The following TTC29 variants were observed in gnomAD, a reference collection of about 807,000 sequenced individuals.
TTC29 encodes the protein tetratricopeptide repeat protein 29.
Under a neutral mutation model 58.1 loss-of-function variants are expected in TTC29, and 49 were observed. The observed-to-expected ratio is 0.84, with a 90% CI of 0.67 to 1.07. TTC29 has a LOEUF of 1.07. Among genes scored for constraint, TTC29 ranks in the 50% least tolerant of loss-of-function variants. The pLI, the probability that TTC29 is intolerant of heterozygous loss-of-function variation, is 0.00. For missense variants in TTC29, 582 were observed against 555.6 expected (o/e 1.05, Z -0.48); for synonymous variants, 209 against 196.8 (o/e 1.06, Z -0.52).
intron 6 of TTC29, among the ~76,000 whole-genome samples, chr4:146,901,689 C>T (rs989305998): frequency 6.6e-6 from 1 of 152,218 alleles, no homozygotes; most frequent in African/African-American, 2.4e-5. Context: ...CGGATTTTCA[C>T]AAGGGCTTCT....
rs1742157894 is a variant in TTC29 at position 146,708,324 on chromosome 4, A to ATACATACATG, written c.1331-774_1331-773insCATGTATGTA. ...ATGGGAAGTTTATATATATATATAT[A>ATACATACATG]TATATATATATATATATATATATAT... On this transcript the variant is annotated intron_variant, in intron 11 of 12. Coordinates refer to ENST00000325106, the MANE Select transcript of TTC29 (RefSeq NM_031956.4). Among the ~76,000 whole-genome samples the ATACATACATG allele has an allele frequency of 1.4e-4, 5 of 35,660 alleles. 1 individual carries two copies. The highest frequency in any genetic ancestry group is 2.9e-4 in the African/African-American group (5 of 17,152). 23.4% of individuals were successfully genotyped at this position (35,660 alleles called of 152,430 possible).
At chr4:146,781,470 A>G (rs1317493284) in intron 11 of TTC29, among the ~76,000 whole-genome samples, 1 of 151,976 alleles carries the variant, frequency 6.6e-6, no homozygotes, top group Non-Finnish European at 1.5e-5. Flanking sequence ...CTCCAAACAA[A>G]TAATGGGCAA....
At chr4:146,872,951 G>T (rs1439564311) in intron 7 of TTC29, among the ~76,000 whole-genome samples, 1 of 152,018 alleles carries the variant, frequency 6.6e-6, no homozygotes, top group African/African-American at 2.4e-5. Context: ...GGCAAAAGGT[G>T]GAAACAACTC....
At chr4:146,841,211 G>A (rs375841575) in intron 8 of TTC29, among the ~76,000 whole-genome samples, 13 of 152,134 alleles carry the variant, frequency 8.5e-5, no homozygotes, top group South Asian at 4.1e-4. Flanking sequence ...GAAATTTGCC[G>A]CATTCAAGAT....
At chr4:146,865,614 A>T (rs1256094282) in intron 8 of TTC29, among the ~76,000 whole-genome samples, 1 of 152,184 alleles carries the variant, frequency 6.6e-6, no homozygotes, top group African/African-American at 2.4e-5. Context: ...ATCACAAAAC[A>T]TACTCAGATA....
chr4:146,827,744 GTTA>G (rs748127861), intron 9 of TTC29, among the ~76,000 whole-genome samples: 1 of 152,146 alleles, frequency 6.6e-6, no homozygotes, highest in Non-Finnish European at 1.5e-5. Flanking sequence ...TGGCACTAGT[GTTA>G]TTATTATCTC....
At chr4:146,711,445 G>A (rs1742485661) in intron 11 of TTC29, among the ~76,000 whole-genome samples, 1 of 152,114 alleles carries the variant, frequency 6.6e-6, no homozygotes, top group African/African-American at 2.4e-5. Context: ...GGACCCTGCA[G>A]GCTATTATTC....
intron 11 of TTC29, among the ~76,000 whole-genome samples, chr4:146,737,786 T>C (rs1744834201): frequency 6.6e-6 from 1 of 152,180 alleles, no homozygotes; most frequent in South Asian, 2.1e-4. Flanking sequence ...TGTACAACAA[T>C]GGGCAGAGAT....
intron 11 of TTC29, among the ~76,000 whole-genome samples, chr4:146,727,762 T>C (rs1743902790): frequency 6.6e-6 from 1 of 152,202 alleles, no homozygotes; most frequent in Admixed American, 6.6e-5. Flanking sequence ...AACATTTGGT[T>C]GCTTCCAAGT....
chr4:146,892,382 C>A (rs148660595), intron 6 of TTC29, among the ~76,000 whole-genome samples: 1 of 152,130 alleles, frequency 6.6e-6, no homozygotes, highest in Non-Finnish European at 1.5e-5. Context: ...GTTCAACATA[C>A]GCAAATCAAT....
intron 4 of TTC29, among the ~76,000 whole-genome samples, chr4:146,935,748 C>T (rs1298261876): frequency 6.6e-6 from 1 of 152,164 alleles, no homozygotes; most frequent in Non-Finnish European, 1.5e-5. Flanking sequence ...GTCTCTCCCA[C>T]TGTGAAAAAC....
At chr4:146,843,183 GC>G (rs1235457031) in intron 8 of TTC29, among the ~76,000 whole-genome samples, 6 of 151,296 alleles carry the variant, frequency 4.0e-5, no homozygotes, top group African/African-American at 1.5e-4. Context: ...AATAGCAGTG[GC>G]CCCACATCAC....
At position 146,767,084 on chromosome 4, in the gene TTC29, T is replaced by C. The variant is rs367877338; in HGVS notation, c.1330+36373A>G. 2.0e-5 allele frequency among the ~76,000 whole-genome samples: 3 copies of C among 152,186 alleles called. No individual in the cohort carries two copies. The East Asian group carries it at 5.8e-4, about 29-fold the overall frequency. On this transcript the variant is annotated intron_variant, in intron 11 of 12. Coordinates refer to ENST00000325106, the MANE Select transcript of TTC29 (RefSeq NM_031956.4). ...CCCTAGGTTTCCTTCGTAACACATG[T>C]CACTTCTAGCATTTGACATGAGAAA...
intron 8 of TTC29, among the ~76,000 whole-genome samples, chr4:146,857,298 G>GTGTGTGTGTGTGTGTGTGTGTGTGTGT (rs1561193683): frequency 2.6e-5 from 4 of 151,628 alleles, no homozygotes; most frequent in African/African-American, 9.7e-5. Flanking sequence ...GTGTGTGTGT[G>GTGTGTGTGTGTGTGTGTGTGTGTGTGT]GAGGGTAATG....
intron 11 of TTC29, among the ~76,000 whole-genome samples, chr4:146,744,866 A>G (rs1745424327): frequency 6.6e-6 from 1 of 152,184 alleles, no homozygotes; most frequent in African/African-American, 2.4e-5. Flanking sequence ...TGTGTTATGT[A>G]GCTTCCCCAA....
intron 6 of TTC29, among the ~76,000 whole-genome samples, chr4:146,882,003 C>T (rs563591691): frequency 2.0e-5 from 3 of 152,212 alleles, no homozygotes; most frequent in East Asian, 1.9e-4. Flanking sequence ...AGGAATGCTA[C>T]CCCACACCAG....
chr4:146,839,728 C>G (rs1331363633), intron 8 of TTC29, among the ~76,000 whole-genome samples: 1 of 149,034 alleles, frequency 6.7e-6, no homozygotes, highest in East Asian at 2.0e-4. Flanking sequence ...AAAGGAAAAT[C>G]TTTTTTTTTT....
At chr4:146,824,653 T>C (rs1316280026) in intron 9 of TTC29, among the ~76,000 whole-genome samples, 3 of 152,152 alleles carry the variant, frequency 2.0e-5, no homozygotes, top group Admixed American at 2.0e-4. Context: ...CTTTAAATTG[T>C]TTGGAATAGT....
intron 11 of TTC29, among the ~76,000 whole-genome samples, chr4:146,756,653 G>A (rs956073379): frequency 6.6e-6 from 1 of 151,836 alleles, no homozygotes; most frequent in East Asian, 1.9e-4. Flanking sequence ...TTCTTCCTCA[G>A]GAATATCGAT....
Sources: allele counts gnomAD v4.1 joint callset (sites outside exome capture counted in the v4.1 genomes callset), GRCh38; gene constraint gnomAD v4.1.1; transcripts MANE v1.5; gene names NCBI Gene and HGNC (gene_info 2026-07-23, HGNC 2026-07-21).